The following RRBP1 variants were observed in gnomAD, a reference collection of about 807,000 sequenced individuals.
The protein encoded by RRBP1 is ribosome-binding protein 1.
In RRBP1, 94 loss-of-function variants were observed where a neutral mutation model predicts 165.2. The observed-to-expected ratio is 0.57, with a 90% CI of 0.48 to 0.68. RRBP1 has a LOEUF of 0.68. RRBP1 is among the 30% of genes least tolerant of loss of function. RRBP1 has a pLI of 0.00. For missense variants in RRBP1, 1,676 were observed against 1,763.0 expected (o/e 0.95, Z 0.88); for synonymous variants, 680 against 714.5 (o/e 0.95, Z 0.77).
intron 3 of RRBP1, among the ~76,000 whole-genome samples, chr20:17,651,655 C>G (rs962899855): frequency 6.6e-6 from 1 of 152,190 alleles, no homozygotes; most frequent in Non-Finnish European, 1.5e-5. Context: ...CCCCCCGCCC[C>G]TCCACCCCCG....
intron 2 of RRBP1, among the ~76,000 whole-genome samples, chr20:17,679,166 C>T (rs4814635): frequency 1 from 152,112 of 152,328 alleles, 75,949 homozygotes; most frequent in Middle Eastern, 1. Context: ...ATTCCCACCC[C>T]CTAGAACAGG....
rs142920819 is a variant in RRBP1, at chr20:17,676,810, T to C, written c.-22+3189A>G. On this transcript the variant is annotated intron_variant, in intron 2 of 24. Coordinates refer to ENST00000377813, the MANE Select transcript of RRBP1 (RefSeq NM_001365613.2). ...CTGTCGCCTAGGCTGGAGTGTAGTA[T>C]GATCTTGGCTCACTGCAACCTCCAC... 1.6e-3 allele frequency among the ~76,000 whole-genome samples: 249 copies of C among 152,292 alleles called. 5 individuals are homozygous for C. The highest frequency in any genetic ancestry group is 5.7e-3 in the African/African-American group (237 of 41,570).
chr20:17,640,186 G>A (rs1400021116), intron 5 of RRBP1, among the ~76,000 whole-genome samples: 1 of 152,228 alleles, frequency 6.6e-6, no homozygotes, highest in African/African-American at 2.4e-5. Context: ...ACAGGAGCCA[G>A]ATGCAGCCAG....
intron 5 of RRBP1, 166 bp downstream of exon 5, chr20:17,641,631 G>A: frequency 1.2e-6 from 1 of 834,218 alleles, no homozygotes; most frequent in Non-Finnish European, 1.9e-6. Context: ...CCGGCCCTTG[G>A]CTCTTTAGGC....
At chr20:17,674,882 AGT>A (rs1393531255) in intron 2 of RRBP1, among the ~76,000 whole-genome samples, 2 of 152,178 alleles carry the variant, frequency 1.3e-5, no homozygotes, top group African/African-American at 2.4e-5. Flanking sequence ...TTTCCTGGTG[AGT>A]GTGTCGTCAC....
At chr20:17,648,919 G>C (rs962959377) in intron 3 of RRBP1, among the ~76,000 whole-genome samples, 2 of 152,178 alleles carry the variant, frequency 1.3e-5, no homozygotes, top group African/African-American at 4.8e-5. Flanking sequence ...TGCAGAAAAC[G>C]GCAGGGGATT....
chr20:17,664,883 TA>T (rs768888715), intron 2 of RRBP1, among the ~76,000 whole-genome samples: 4 of 152,088 alleles, frequency 2.6e-5, no homozygotes, highest in Non-Finnish European at 4.4e-5. Flanking sequence ...GGTACAGAAC[TA>T]AAACAGAATG....
intron 5 of RRBP1, among the ~76,000 whole-genome samples, chr20:17,640,307 T>C (rs776580451): frequency 6.6e-6 from 1 of 152,016 alleles, no homozygotes; most frequent in Non-Finnish European, 1.5e-5. Flanking sequence ...GAAGACAATG[T>C]CCAGACATCC....
At chr20:17,614,623 C>A in intron 24 of RRBP1, 114 bp downstream of exon 24, 29 of 1,364,636 alleles carry the variant, frequency 2.1e-5, no homozygotes, top group Non-Finnish European at 2.8e-5. Context: ...GGCTCCCAGC[C>A]CAGCGCTCCC....
In RRBP1 at chr20:17,614,075, G is replaced by A. The variant is rs1057207429; in HGVS notation, c.*107C>T. ...TCTCATGGCTTCTCTCGGAGCTACC[G>A]GAAGTTGGGCCTGGATAACGCTGTG... is the stretch of plus-strand genomic sequence containing the variant. On this transcript the variant is annotated 3_prime_UTR_variant, in exon 25 of 25. Transcript: ENST00000377813. 3.9e-5 allele frequency: 43 copies of A among 1,116,084 alleles called. No individual in the cohort carries two copies. The highest frequency in any genetic ancestry group is 3.1e-4 in the African/African-American group (20 of 65,202). 69.1% of individuals were successfully genotyped at this position (1,116,084 alleles called of 1,614,324 possible). A position where few individuals can be genotyped will look rare whatever the true frequency, so the allele number is the denominator to read the frequency against.
At position 17,627,625 on chromosome 20, in the gene RRBP1, A is replaced by G. The variant is rs776478338; in HGVS notation, c.2807T>C (p.Leu936Pro). 6.2e-7 allele frequency: 1 copy of G among 1,613,138 alleles called. No individual in the cohort carries two copies. Among genetic ancestry groups the G allele is most frequent in the East Asian group, 2.2e-5 (1 of 44,866 alleles). Residue 936 changes from leucine (L) to proline (P), a missense_variant, in exon 10 of 25, where the codon CTG (leucine) becomes CCG (proline). Physicochemically the swap from Leu to Pro is moderately conservative, Grantham distance 98. Coordinates refer to ENST00000377813, the MANE Select transcript of RRBP1 (RefSeq NM_001365613.2). Reference protein sequence around the residue: ...EAEVRSKCEELSGLHGQLQEA... With the variant: ...EAEVRSKCEEPSGLHGQLQEA... Reference sequence around the variant, plus strand: ...CTGGAGCTGCCCGTGGAGGCCACTCAGCTCCTCGCATTTGCTGCGCACCTC... The same window carrying G: ...CTGGAGCTGCCCGTGGAGGCCACTCGGCTCCTCGCATTTGCTGCGCACCTC...
At chr20:17,654,672 A>G (rs2036617002) in intron 3 of RRBP1, among the ~76,000 whole-genome samples, 1 of 152,152 alleles carries the variant, frequency 6.6e-6, no homozygotes, top group Non-Finnish European at 1.5e-5. Context: ...CACCAAGTCC[A>G]CACTGCCCTA....
chr20:17,626,910 G>A (rs1193389868), intron 11 of RRBP1, among the ~76,000 whole-genome samples: 4 of 152,340 alleles, frequency 2.6e-5, no homozygotes, highest in East Asian at 1.9e-4. Flanking sequence ...GCTCTGCCCC[G>A]ACGCCTCAAA....
Position 17,613,863 on chromosome 20 carries a change from G to T in RRBP1, c.*319C>A. 1 of 311,366 alleles carries T rather than the reference G, an allele frequency of 3.2e-6. No individual in the cohort carries two copies. The highest frequency in any genetic ancestry group is 6.1e-6 in the Non-Finnish European group (1 of 163,770). The allele number at this position is 311,366 out of a possible 1,614,324, so 19.3% of individuals were successfully genotyped here. On this transcript the variant is annotated 3_prime_UTR_variant, in exon 25 of 25. Coordinates refer to ENST00000377813, the MANE Select transcript of RRBP1 (RefSeq NM_001365613.2). ...TGAAAAAACACTAAACGATTGCACT[G>T]ACAGACAGACCCCAGAGCGCCCGGC...
At chr20:17,628,267 G>T (rs577152162) in intron 9 of RRBP1, among the ~76,000 whole-genome samples, 1 of 152,230 alleles carries the variant, frequency 6.6e-6, no homozygotes, top group South Asian at 2.1e-4. Flanking sequence ...TCTGCCATCT[G>T]CCTCTTCTAA....
Position 17,616,013 on chromosome 20 carries a change from T to G in RRBP1, c.3868-4A>C, listed in dbSNP as rs763246514. The G allele has an allele frequency of 6.2e-7, 1 of 1,604,024 alleles. No individual in the cohort carries two copies. Among genetic ancestry groups the G allele is most frequent in the Non-Finnish European group, 8.5e-7 (1 of 1,179,314 alleles). On this transcript the variant is annotated splice_region_variant and splice_polypyrimidine_tract_variant and intron_variant, in intron 21 of 24. Coordinates refer to ENST00000377813, the MANE Select transcript of RRBP1 (RefSeq NM_001365613.2). ...TCCACTCCAGCTGCGTCTTCAGCTG[T>G]GCAAACACCGCAAACATAACCCGGC...
chr20:17,677,027 G>GATTA (rs1456988848), intron 2 of RRBP1, among the ~76,000 whole-genome samples: 1 of 150,612 alleles, frequency 6.6e-6, no homozygotes, highest in African/African-American at 2.4e-5. Context: ...GGATTACAGG[G>GATTA]ATTAGCCACT....
chr20:17,635,325 C>A (rs1209418073), intron 7 of RRBP1, among the ~76,000 whole-genome samples: 1 of 152,228 alleles, frequency 6.6e-6, no homozygotes. Flanking sequence ...TGCTCCAGGG[C>A]ACAGTCGAGG....
At chr20:17,619,002 G>A (rs1664919383) in intron 19 of RRBP1, 1 of 329,492 alleles carries the variant, frequency 3.0e-6, no homozygotes. Flanking sequence ...CATCCACGCT[G>A]GTCTTGAACT....
Sources: allele counts gnomAD v4.1 joint callset (sites outside exome capture counted in the v4.1 genomes callset), GRCh38; gene constraint gnomAD v4.1.1; transcripts MANE v1.5; gene names NCBI Gene and HGNC (gene_info 2026-07-23, HGNC 2026-07-21).